The following BCORL1 variants were observed in gnomAD, a reference collection of about 807,000 sequenced individuals.
The protein encoded by BCORL1 is BCL6 corepressor like 1.
In BCORL1, 7 loss-of-function variants were observed where a neutral mutation model predicts 87.6. The observed-to-expected ratio is 0.08, with a 90% CI of 0.05 to 0.15. BCORL1 has a LOEUF of 0.15. Among genes scored for constraint, BCORL1 ranks in the 10% least tolerant of loss-of-function variants. The pLI is 1.00. For synonymous variants in BCORL1, 591 were observed against 634.4 expected, an observed-to-expected ratio of 0.93 and a Z score of 1.03; for missense variants, 1,215 against 1,499.7, an observed-to-expected ratio of 0.81 and a Z score of 3.13.
intron 13 of BCORL1, among the ~76,000 whole-genome samples, chrX:130,053,294 C>A (rs1213923669): frequency 9.1e-6 from 1 of 109,364 alleles, no homozygotes; most frequent in African/African-American, 3.3e-5. Flanking sequence ...CCTGCCCTCC[C>A]CCCCACCACC....
chrX:130,000,749 T>C (rs979230059), intron 1 of BCORL1, among the ~76,000 whole-genome samples: 1 of 112,524 alleles, frequency 8.9e-6, no homozygotes, highest in Non-Finnish European at 1.9e-5. Flanking sequence ...ATACATCAGT[T>C]ACCTGCAATT....
intron 13 of BCORL1, among the ~76,000 whole-genome samples, chrX:130,054,756 C>A (rs1367799543): frequency 3.6e-5 from 4 of 110,361 alleles, no homozygotes; most frequent in Non-Finnish European, 7.6e-5. Context: ...TACTAAAATA[C>A]AAAAATTAGC....
At chrX:130,011,002 T>TAAA (rs1186630415) in intron 2 of BCORL1, among the ~76,000 whole-genome samples, 218 of 19,114 alleles carry the variant, frequency 0.011, 5 homozygotes, top group Middle Eastern at 0.048. Flanking sequence ...AGATTCAATC[T>TAAA]AAAAAAAAAA....
At chrX:129,998,922 A>G (rs1213057936) in intron 1 of BCORL1, among the ~76,000 whole-genome samples, 1 of 111,835 alleles carries the variant, frequency 8.9e-6, no homozygotes, top group Non-Finnish European at 1.9e-5. Flanking sequence ...TTGAGAGGCA[A>G]AGATTTAAGT....
rs1421841255 is a variant in BCORL1, at chrX:130,057,952, G to GT, written c.*1819dup. 9.0e-6 allele frequency: 1 copy of GT among 110,502 alleles called. No homozygotes were observed. The highest frequency in any genetic ancestry group is 9.7e-5 in the Admixed American group (1 of 10,274). 9.1% of individuals were successfully genotyped at this position (110,502 alleles called of 1,213,427 possible). A position where few individuals can be genotyped will look rare whatever the true frequency, so the allele number is the denominator to read the frequency against. On this transcript the variant is annotated 3_prime_UTR_variant, in exon 14 of 14. Coordinates refer to ENST00000540052, the MANE Select transcript of BCORL1 (RefSeq NM_001379451.1). ...TTGTTGGGGTTCCTGGTATTGTGTA[G>GT]TTTATTTCATGTTCTGTTTGCCTTT...
chrX:130,003,530 G>A (rs1205012993), intron 1 of BCORL1, among the ~76,000 whole-genome samples: 1 of 109,763 alleles, frequency 9.1e-6, no homozygotes, highest in Admixed American at 9.8e-5. Flanking sequence ...GTGCTACCAC[G>A]GTGGCTAATT....
intron 1 of BCORL1, among the ~76,000 whole-genome samples, chrX:129,998,905 T>A (rs147424684): frequency 1.8e-3 from 203 of 111,702 alleles, no homozygotes; most frequent in African/African-American, 6.0e-3. Flanking sequence ...AAAATCATGA[T>A]AGAAAATTGA....
intron 2 of BCORL1, among the ~76,000 whole-genome samples, chrX:130,011,001 C>A: frequency 1.1e-4 from 1 of 8,852 alleles, no homozygotes. Flanking sequence ...GAGATTCAAT[C>A]TAAAAAAAAA....
rs1932367238 is a variant in BCORL1 at position 130,056,062 on chromosome X, G to A, written c.5284G>A (p.Glu1762Lys). ...CCCCCCAGGCTCCTCTGAGACTGTG[G>A]AGCTGGTGCGGTACGAGCCAGACCT... is the stretch of plus-strand genomic sequence containing the variant. Reference protein sequence around the residue: ...RSPPGSSETVELVRYEPDLLR... With the variant: ...RSPPGSSETVKLVRYEPDLLR... Residue 1762 changes from glutamate to lysine, a missense_variant, in exon 14 of 14, where the codon GAG (glutamate) becomes AAG (lysine). Glu to Lys is a moderately conservative substitution (Grantham distance 56). Around this residue, in one of 5 missense-constraint regions of BCORL1, gnomAD observed 129 missense variants for 157.5 expected, o/e 0.82. Coordinates refer to ENST00000540052, the MANE Select transcript of BCORL1 (RefSeq NM_001379451.1). 1 of 1,210,955 alleles carries A rather than the reference G, an allele frequency of 8.3e-7. No individual in the cohort carries two copies. Among genetic ancestry groups the A allele is most frequent in the Non-Finnish European group, 1.1e-6 (1 of 894,859 alleles).
At chrX:130,001,537 G>T (rs1928051699) in intron 1 of BCORL1, among the ~76,000 whole-genome samples, 1 of 111,781 alleles carries the variant, frequency 8.9e-6, no homozygotes, top group Non-Finnish European at 1.9e-5. Context: ...AGAGGGAGGG[G>T]TTAACTGAAC....
rs911031086 is a variant in BCORL1, at chrX:130,012,068, A to G, written c.87-510A>G. On this transcript the variant is annotated intron_variant, in intron 2 of 13. Transcript: ENST00000540052. ...AGGTGACGATTCAGATTTAGACCTG[A>G]AAACACAACAGGGGTTTATTTGTTT... Among the ~76,000 whole-genome samples, 4 of 112,265 alleles carry G rather than the reference A, an allele frequency of 3.6e-5. No homozygotes were observed. In the East Asian group the frequency reaches 1.1e-3, roughly 31 times the overall value.
chrX:130,025,466 G>A (rs1049263159), intron 7 of BCORL1, 87 bp downstream of exon 7: 14 of 897,408 alleles, frequency 1.6e-5, no homozygotes, highest in Middle Eastern at 4.4e-4. Context: ...CAAAGGCTTC[G>A]GGACCCAGAG....
intron 11 of BCORL1, among the ~76,000 whole-genome samples, chrX:130,044,240 T>C (rs1931599640): frequency 9.0e-6 from 1 of 110,635 alleles, no homozygotes; most frequent in Non-Finnish European, 1.9e-5. Context: ...CTGGCTGAGG[T>C]ATTTAAAATG....
chrX:130,047,311 G>A (rs977082052), intron 11 of BCORL1, among the ~76,000 whole-genome samples: 1 of 111,129 alleles, frequency 9.0e-6, no homozygotes, highest in Non-Finnish European at 1.9e-5. Context: ...AGGGCTGGAA[G>A]CGTGGCTGGG....
At chrX:130,000,207 G>A (rs1172819401) in intron 1 of BCORL1, among the ~76,000 whole-genome samples, 1 of 107,743 alleles carries the variant, frequency 9.3e-6, no homozygotes, top group Non-Finnish European at 1.9e-5. Context: ...CACCATGCCC[G>A]GCTAATTTTT....
At position 130,016,126 on chromosome X, in the gene BCORL1, G is replaced by A. The variant is rs764908760; in HGVS notation, c.3354G>A (p.Lys1118=). The A allele has an allele frequency of 8.2e-5, 99 of 1,209,358 alleles. No homozygotes were observed. The highest frequency in any genetic ancestry group is 1.1e-4 in the Non-Finnish European group (95 of 895,216). The change falls in exon 4 of 14, where the codon AAG becomes AAA. Residue 1118 remains lysine, a synonymous_variant. Transcript: ENST00000540052. The part of the protein sequence containing the change: ...DDVTESLPPK[K]MKCGKEKDSE... ...TGACGGAATCTCTGCCGCCCAAGAA[G>A]ATGAAGTGCGGCAAAGAGAAGGACA...
intron 7 of BCORL1, 142 bp from the exon 8 acceptor site, chrX:130,028,493 C>T: frequency 1.9e-6 from 1 of 519,235 alleles, no homozygotes; most frequent in Non-Finnish European, 3.4e-6. Context: ...CAGCACAGCA[C>T]TAGATATCGA....
chrX:130,022,475 T>C (rs749781228), intron 5 of BCORL1, among the ~76,000 whole-genome samples: 3 of 109,474 alleles, frequency 2.7e-5, no homozygotes, highest in Non-Finnish European at 3.8e-5. Flanking sequence ...CTCGATCTCC[T>C]GACCTCAGGT....
chrX:130,001,424 T>TG (rs1209410608), intron 1 of BCORL1, among the ~76,000 whole-genome samples: 1 of 111,764 alleles, frequency 8.9e-6, no homozygotes, highest in East Asian at 2.8e-4. Context: ...AGCTGATTGG[T>TG]GGGGGAGACA....
Sources: gnomAD v4.1 joint callset for allele counts (sites outside exome capture counted in the v4.1 genomes callset) on GRCh38, gnomAD v4.1.1 for gene constraint, gnomAD v4.1.1 regional missense constraint, MANE v1.5 for transcripts, NCBI Gene and HGNC (gene_info 2026-07-23, HGNC 2026-07-21) for gene names.